SLTM: variants seen among roughly 807,000 people sequenced by gnomAD.
SLTM encodes SAFB like transcription modulator, also known as SAFB-like transcription modulator.
In SLTM, 43 loss-of-function variants were observed where a neutral mutation model predicts 134.6. The observed-to-expected ratio is 0.32, with a 90% CI of 0.25 to 0.41. SLTM has a LOEUF of 0.41. SLTM is among the 10% of genes least tolerant of loss of function. The pLI is 1.00. For missense variants in SLTM, 1,055 were observed against 1,288.8 expected (o/e 0.82, Z 2.78); for synonymous variants, 424 against 432.3 (o/e 0.98, Z 0.24).
intron 2 of SLTM, among the ~76,000 whole-genome samples, chr15:58,928,949 A>C (rs1242276411): frequency 6.6e-6 from 1 of 152,232 alleles, no homozygotes; most frequent in Non-Finnish European, 1.5e-5. Context: ...TTAGTTAAAC[A>C]GAAAGCATTT....
chr15:58,914,216 A>G (rs985596929), intron 3 of SLTM, among the ~76,000 whole-genome samples: 3 of 152,254 alleles, frequency 2.0e-5, no homozygotes, highest in Admixed American at 6.5e-5. Flanking sequence ...GAAGAGGAAC[A>G]TAGGTTGGGA....
chr15:58,928,352 C>T (rs1267801138), intron 2 of SLTM, among the ~76,000 whole-genome samples: 1 of 152,184 alleles, frequency 6.6e-6, no homozygotes, highest in Admixed American at 6.5e-5. Context: ...ATTAATATAA[C>T]CGTAAACTTC....
At position 58,914,154 on chromosome 15, in the gene SLTM, T is replaced by G. The variant is rs148411074; in HGVS notation, c.316-458A>C. ...TGTTCTTGAAAAATATGCAAATAAC[T>G]AATTGAAATGTATTTGTTTTGAAAT... On this transcript the variant is annotated intron_variant, in intron 3 of 20. Transcript: ENST00000380516. Among the ~76,000 whole-genome samples the G allele has an allele frequency of 9.0e-3, 1,372 of 152,352 alleles. 18 individuals carry two copies. The highest frequency in any genetic ancestry group is 0.032 in the African/African-American group (1,312 of 41,574).
chr15:58,890,166 C>T (rs1349546707), intron 15 of SLTM, 115 bp downstream of exon 15: 1 of 1,207,218 alleles, frequency 8.3e-7, no homozygotes, highest in Non-Finnish European at 1.2e-6. Context: ...TTAAAAGCTC[C>T]TTAGCTAAAC....
rs754394967 is a variant in SLTM at position 58,897,158 on chromosome 15, G to A, written c.1184C>T (p.Thr395Ile). The change falls in exon 9 of 21, where the codon ACC (threonine) becomes ATC (isoleucine). Residue 395 changes from threonine (T) to isoleucine (I), a missense_variant. By Grantham distance (89) the Thr-to-Ile change is moderately conservative. Transcript: ENST00000380516. Reference sequence around the variant, plus strand: ...GAGGTTCTTCAAATCAGCAGCTTTGGTATTAGATGAAAGTCCACTAACCCA... The same window carrying A: ...GAGGTTCTTCAAATCAGCAGCTTTGATATTAGATGAAAGTCCACTAACCCA... ...NIWVSGLSSN[T>I]KAADLKNLFG... The A allele has an allele frequency of 3.7e-6, 6 of 1,613,154 alleles. No individual in the cohort carries two copies. The Admixed American group carries it at 1.0e-4, about 27-fold the overall frequency.
chr15:58,899,611 C>T lies in SLTM; in HGVS notation c.916G>A (p.Gly306Ser). The change falls in exon 7 of 21, where the codon GGT (glycine) becomes AGT (serine). Residue 306 changes from glycine (G) to serine (S), a missense_variant. Around this residue, in one of 3 missense-constraint regions of SLTM, gnomAD observed 776 missense variants for 962.2 expected, o/e 0.81. Coordinates refer to ENST00000380516, the MANE Select transcript of SLTM (RefSeq NM_024755.4). This position sits in a 1 kb window ranked among gnomAD's most constrained non-coding sequence, Gnocchi z 5.0. ...CCCTTCACGCAGTCTTCCTTCTTACCATCTTTATGGTTCGCATTCATCTCA... is the reference window on the plus strand; with the variant it reads ...CCCTTCACGCAGTCTTCCTTCTTACTATCTTTATGGTTCGCATTCATCTCA... ...DYEMNANHKDGKKEDCVKGDP... is the reference protein window; with the variant it reads ...DYEMNANHKDSKKEDCVKGDP... The T allele has an allele frequency of 6.2e-7, 1 of 1,614,122 alleles. No individual in the cohort carries two copies. The highest frequency in any genetic ancestry group is 8.5e-7 in the Non-Finnish European group (1 of 1,180,012).
chr15:58,910,754 T>TA lies in SLTM; in HGVS notation c.561+1808_561+1809insT, dbSNP rs1354580126. Among the ~76,000 whole-genome samples, 7 of 150,984 alleles carry TA rather than the reference T, an allele frequency of 4.6e-5. No homozygotes were observed. The South Asian group carries it at 1.5e-3, about 32-fold the overall frequency. On this transcript the variant is annotated intron_variant, in intron 5 of 20. Transcript: ENST00000380516. ...TTTTCTCATAGATTCTTTTTTTTTT[T>TA]TTTTTTTTCAAGACAAGTCTCGGTC...
intron 9 of SLTM, among the ~76,000 whole-genome samples, chr15:58,895,044 T>C (rs879440917): frequency 2.6e-5 from 4 of 152,236 alleles, no homozygotes; most frequent in Non-Finnish European, 5.9e-5. Context: ...GTTACCCATC[T>C]TAGTAAATAT....
intron 12 of SLTM, 134 bp from the exon 13 acceptor site, chr15:58,893,498 T>C: frequency 1.5e-6 from 1 of 661,694 alleles, no homozygotes; most frequent in East Asian, 2.8e-5. Flanking sequence ...CTACAAGAAC[T>C]TCAATGCAAA....
In SLTM at chr15:58,883,620, AT is replaced by A. The variant is rs2033923880; in HGVS notation, c.2996+5del. ...GTGCTGGCAGAAAAACTGGTTAGTT[AT>A]TTACCTTGAATGTTGGGTTATCATG... On this transcript the variant is annotated splice_donor_5th_base_variant and intron_variant, in intron 20 of 20. Transcript: ENST00000380516. 5.6e-6 allele frequency: 9 copies of A among 1,613,680 alleles called. No homozygotes were observed. Among genetic ancestry groups the A allele is most frequent in the Non-Finnish European group, 7.6e-6 (9 of 1,179,882 alleles).
intron 16 of SLTM, chr15:58,889,220 T>C (rs1232197699): frequency 2.1e-6 from 1 of 477,026 alleles, no homozygotes; most frequent in Non-Finnish European, 3.7e-6. Context: ...TGAAAAACAT[T>C]TGGCATCAGA....
At chr15:58,887,683 T>C in intron 17 of SLTM, 143 bp from the exon 18 acceptor site, 1 of 1,414,968 alleles carries the variant, frequency 7.1e-7, no homozygotes, top group Non-Finnish European at 9.3e-7. Flanking sequence ...TAGTTATTGA[T>C]TATTACAACT....
At chr15:58,902,996 G>T (rs2035596800) in intron 5 of SLTM, among the ~76,000 whole-genome samples, 1 of 151,814 alleles carries the variant, frequency 6.6e-6, no homozygotes, top group Admixed American at 6.6e-5. Context: ...CCGCCTCCCG[G>T]GTTCAAGCGA....
chr15:58,895,310 G>T (rs2034999164), intron 9 of SLTM, among the ~76,000 whole-genome samples: 1 of 152,140 alleles, frequency 6.6e-6, no homozygotes, highest in Non-Finnish European at 1.5e-5. Context: ...ATATAAAAAA[G>T]CGGACTTAAA....
At chr15:58,893,108 C>T in intron 13 of SLTM, 48 bp from the exon 14 acceptor site, 1 of 1,515,084 alleles carries the variant, frequency 6.6e-7, no homozygotes, top group Non-Finnish European at 8.8e-7. Context: ...TATTTTGGGG[C>T]TTTATTTTTC....
intron 19 of SLTM, among the ~76,000 whole-genome samples, chr15:58,884,153 C>A (rs1431053470): frequency 6.6e-6 from 1 of 150,864 alleles, no homozygotes; most frequent in East Asian, 1.9e-4. Flanking sequence ...CTCATACCAA[C>A]TTATATTGGT....
intron 1 of SLTM, 107 bp downstream of exon 1, chr15:58,933,297 G>T (rs998840677): frequency 7.8e-7 from 1 of 1,281,756 alleles, no homozygotes; most frequent in African/African-American, 1.6e-5. Flanking sequence ...ATGCCGTTCC[G>T]CAGGTCCCAG....
At chr15:58,930,158 G>C (rs182758634) in intron 2 of SLTM, among the ~76,000 whole-genome samples, 1 of 151,870 alleles carries the variant, frequency 6.6e-6, no homozygotes. Context: ...ATGCTGGACT[G>C]CAGTGGAGTG....
chr15:58,886,058 T>C (rs1414506959), intron 19 of SLTM, among the ~76,000 whole-genome samples: 3 of 152,158 alleles, frequency 2.0e-5, no homozygotes, highest in Non-Finnish European at 2.9e-5. Flanking sequence ...GCTCATTAAC[T>C]TACAAAATAT....
Sources: allele counts gnomAD v4.1 joint callset (sites outside exome capture counted in the v4.1 genomes callset), GRCh38; gene constraint gnomAD v4.1.1; regional missense constraint gnomAD v4.1.1; non-coding constraint Gnocchi (gnomAD v3.1); transcripts MANE v1.5; gene names NCBI Gene and HGNC (gene_info 2026-07-23, HGNC 2026-07-21).